SSBP3: variants seen among roughly 807,000 people sequenced by gnomAD.
The protein encoded by SSBP3 is single-stranded DNA-binding protein 3.
A neutral mutation model predicts 69.6 loss-of-function variants in SSBP3; 5 were observed. That is an observed-to-expected ratio of 0.07 (90% CI 0.04 to 0.15). The LOEUF (loss-of-function observed/expected upper bound fraction) is 0.15, where lower values mean the gene tolerates loss of function less well. Ranked by LOEUF, SSBP3 falls within the 10% of genes least tolerant of loss-of-function variation. The pLI, the probability that SSBP3 is intolerant of heterozygous loss-of-function variation, is 1.00. For synonymous variants in SSBP3, 196 were observed against 193.4 expected (o/e 1.01, Z -0.11); for missense variants, 312 against 534.0 (o/e 0.58, Z 4.10).
intron 14 of SSBP3, among the ~76,000 whole-genome samples, chr1:54,231,521 G>A (rs999018541): frequency 6.6e-6 from 1 of 152,060 alleles, no homozygotes; most frequent in Non-Finnish European, 1.5e-5. Context: ...CTTAATCTCC[G>A]ATGAAGTCCA....
At chr1:54,243,056 C>T (rs894294859) in intron 10 of SSBP3, 179 bp downstream of exon 10, 4 of 652,696 alleles carry the variant, frequency 6.1e-6, no homozygotes, top group African/African-American at 5.4e-5. Flanking sequence ...CACACAGAGG[C>T]ACTCTATGAG....
At chr1:54,382,496 T>G (rs367888507) in intron 4 of SSBP3, among the ~76,000 whole-genome samples, 198 of 152,326 alleles carry the variant, frequency 1.3e-3, no homozygotes, top group African/African-American at 4.5e-3. Context: ...AGGCATCAAA[T>G]ATTTGATGAA....
chr1:54,246,442 T>C (rs1021214797), intron 9 of SSBP3, among the ~76,000 whole-genome samples: 4 of 152,120 alleles, frequency 2.6e-5, no homozygotes, highest in Non-Finnish European at 4.4e-5. Context: ...GCCTCTCCCA[T>C]CCAAGAGAAA....
intron 4 of SSBP3, among the ~76,000 whole-genome samples, chr1:54,343,720 A>G (rs1646646476): frequency 6.6e-6 from 1 of 152,212 alleles, no homozygotes; most frequent in South Asian, 2.1e-4. Context: ...ATGGCTTCAT[A>G]TAACTATATC....
At chr1:54,393,533 T>C in intron 4 of SSBP3, among the ~76,000 whole-genome samples, 1 of 152,112 alleles carries the variant, frequency 6.6e-6, no homozygotes, top group African/African-American at 2.4e-5. Context: ...CTCACACCTA[T>C]AATCCCAGCA....
intron 4 of SSBP3, among the ~76,000 whole-genome samples, chr1:54,376,537 T>C (rs944810317): frequency 6.6e-6 from 1 of 152,198 alleles, no homozygotes; most frequent in Non-Finnish European, 1.5e-5. Flanking sequence ...AAACTCGTCT[T>C]TGGGGCAGGG....
chr1:54,327,340 T>C (rs1482951307), intron 4 of SSBP3, among the ~76,000 whole-genome samples: 1 of 152,078 alleles, frequency 6.6e-6, no homozygotes, highest in Non-Finnish European at 1.5e-5. Context: ...GAGTTCTCCA[T>C]CTGCTTTTGT....
intron 7 of SSBP3, among the ~76,000 whole-genome samples, chr1:54,256,454 T>C (rs1644922322): frequency 1.3e-5 from 2 of 152,208 alleles, no homozygotes; most frequent in Non-Finnish European, 2.9e-5. Context: ...GCATGGGGTC[T>C]GATTTCTCCA....
chr1:54,373,716 G>A (rs903275842), intron 4 of SSBP3, among the ~76,000 whole-genome samples: 2 of 151,152 alleles, frequency 1.3e-5, no homozygotes, highest in Non-Finnish European at 1.5e-5. Flanking sequence ...GCAGGGAGCC[G>A]AGATTGCACC....
rs1226479174 is a variant in SSBP3 at position 54,405,941 on chromosome 1, A to C, written c.56+12T>G. 2.2e-6 allele frequency: 3 copies of C among 1,354,286 alleles called. No individual in the cohort carries two copies. The African/African-American group carries it at 4.8e-5, about 21-fold the overall frequency. 83.9% of individuals were successfully genotyped at this position (1,354,286 alleles called of 1,614,324 possible). ...GCGGCGGCGCGGCCGCCACTTGCAA[A>C]ATAGGGCTTACTTTTCCCGAGCCTG... On this transcript the variant is annotated intron_variant, in intron 1 of 17. Coordinates refer to ENST00000610401, the Ensembl canonical transcript of SSBP3.
At chr1:54,247,819 T>C (rs548820620) in intron 9 of SSBP3, among the ~76,000 whole-genome samples, 41 of 152,334 alleles carry the variant, frequency 2.7e-4, no homozygotes, top group Non-Finnish European at 4.0e-4. Context: ...CTTCGTCCTA[T>C]TAGAATTCAC....
chr1:54,264,161 G>A (rs1161452474), intron 5 of SSBP3, among the ~76,000 whole-genome samples: 1 of 152,070 alleles, frequency 6.6e-6, no homozygotes, highest in African/African-American at 2.4e-5. Context: ...AGCTAGCCAG[G>A]TGTGGTGGTG....
intron 2 of SSBP3, 108 bp from the exon 3 acceptor site, chr1:54,404,745 G>T: frequency 2.1e-6 from 3 of 1,396,448 alleles, no homozygotes; most frequent in Non-Finnish European, 3.0e-6. Context: ...ATGCCAAAAG[G>T]TGATAAAAAT....
At chr1:54,358,532 G>C (rs998116753) in intron 4 of SSBP3, among the ~76,000 whole-genome samples, 1 of 152,162 alleles carries the variant, frequency 6.6e-6, no homozygotes, top group Admixed American at 6.5e-5. Context: ...CTTGCTCCAG[G>C]GCTTCCAGCT....
At chr1:54,407,358 GA>G (rs1266635334), upstream of SSBP3, among the ~76,000 whole-genome samples, 2 of 152,086 alleles carry the variant, frequency 1.3e-5, no homozygotes, top group South Asian at 2.1e-4. Context: ...CAAATAAATG[GA>G]GCTAAATTGG....
At chr1:54,356,044 T>C (rs931085579) in intron 4 of SSBP3, among the ~76,000 whole-genome samples, 2 of 152,146 alleles carry the variant, frequency 1.3e-5, no homozygotes, top group African/African-American at 4.8e-5. Flanking sequence ...CATGAAATAA[T>C]GAAATGCCAA....
chr1:54,394,868 AT>A (rs968871503), intron 4 of SSBP3, among the ~76,000 whole-genome samples: 2 of 150,960 alleles, frequency 1.3e-5, no homozygotes, highest in South Asian at 2.1e-4. Flanking sequence ...ATGCCCAGCT[AT>A]TTTTTTTGTA....
intron 9 of SSBP3, among the ~76,000 whole-genome samples, chr1:54,244,604 C>T (rs1247396984): frequency 6.6e-6 from 1 of 152,220 alleles, no homozygotes; most frequent in African/African-American, 2.4e-5. Context: ...CCAGATTCAG[C>T]TCAGGACGGC....
intron 4 of SSBP3, among the ~76,000 whole-genome samples, chr1:54,353,585 G>A (rs999748110): frequency 6.6e-6 from 1 of 152,164 alleles, no homozygotes; most frequent in Non-Finnish European, 1.5e-5. Context: ...AGGTGACCCA[G>A]GTGCATTGTC....
Sources: allele counts gnomAD v4.1 joint callset (sites outside exome capture counted in the v4.1 genomes callset), GRCh38; gene constraint gnomAD v4.1.1; transcripts MANE v1.5; gene names NCBI Gene and HGNC (gene_info 2026-07-23, HGNC 2026-07-21).